The following IFT88 variants were observed in gnomAD, a reference collection of about 807,000 sequenced individuals.
IFT88 encodes the protein intraflagellar transport protein 88 homolog.
A neutral mutation model predicts 119.5 loss-of-function variants in IFT88; 74 were observed. The ratio of observed to expected loss-of-function variants is 0.62; its 90% CI spans 0.51 to 0.75. The LOEUF (loss-of-function observed/expected upper bound fraction) is 0.75, where lower values mean the gene tolerates loss of function less well. Among genes scored for constraint, IFT88 ranks in the 30% least tolerant of loss-of-function variants. The pLI, the probability that IFT88 is intolerant of heterozygous loss-of-function variation, is 0.00. For missense variants in IFT88, 961 were observed against 977.7 expected (o/e 0.98, Z 0.23); for synonymous variants, 279 against 316.7 (o/e 0.88, Z 1.26).
At chr13:20,591,382 A>G (rs2040643560) in intron 5 of IFT88, among the ~76,000 whole-genome samples, 1 of 152,224 alleles carries the variant, frequency 6.6e-6, no homozygotes. Flanking sequence ...GTAGCTGGCT[A>G]ATAAGCTGAT....
chr13:20,627,155 G>A (rs748274207), intron 15 of IFT88, among the ~76,000 whole-genome samples: 1 of 152,170 alleles, frequency 6.6e-6, no homozygotes, highest in Non-Finnish European at 1.5e-5. Flanking sequence ...AATTTTTTGA[G>A]CATTTACAAA....
intron 22 of IFT88, among the ~76,000 whole-genome samples, chr13:20,657,458 G>T (rs543047354): frequency 6.6e-6 from 1 of 152,318 alleles, no homozygotes; most frequent in Non-Finnish European, 1.5e-5. Context: ...ACTGTTTTAT[G>T]TGGAAATATA....
chr13:20,654,768 G>GACTA (rs1485060660), intron 21 of IFT88, among the ~76,000 whole-genome samples: 1 of 152,130 alleles, frequency 6.6e-6, no homozygotes, highest in Non-Finnish European at 1.5e-5. Flanking sequence ...TGTACAACAT[G>GACTA]ACTATACTAT....
chr13:20,635,077 G>A (rs1239306395), intron 16 of IFT88, among the ~76,000 whole-genome samples: 1 of 151,126 alleles, frequency 6.6e-6, no homozygotes, highest in Non-Finnish European at 1.5e-5. Context: ...GCAATAGTTT[G>A]CTGAGAATGA....
chr13:20,662,252 G>A (rs1462267148), intron 22 of IFT88, among the ~76,000 whole-genome samples: 1 of 150,798 alleles, frequency 6.6e-6, no homozygotes, highest in East Asian at 1.9e-4. Context: ...TTAGAAGGAA[G>A]ACTAAAAAAC....
At position 20,690,780 on chromosome 13, in the gene IFT88, A is replaced by G. The variant is rs1246663885; in HGVS notation, c.2318A>G (p.Asn773Ser). The change falls in exon 25 of 26, where the codon AAT becomes AGT. Residue 773 changes from asparagine to serine, a missense_variant. Physicochemically the swap from Asn to Ser is conservative, Grantham distance 46. Transcript: ENST00000351808. ...AGACTCAGAGCTTTACCTGGGACAA[A>G]TGAACCTTATGAAAGTAGCAGTAAC... is the stretch of plus-strand genomic sequence containing the variant. Reference protein sequence around the residue: ...SARLRALPGTNEPYESSSNKE... With the variant: ...SARLRALPGTSEPYESSSNKE... 2 of 1,613,564 alleles carry G rather than the reference A, an allele frequency of 1.2e-6. No individual in the cohort carries two copies. Among genetic ancestry groups the G allele is most frequent in the African/African-American group, 1.3e-5 (1 of 74,928 alleles).
Position 20,679,849 on chromosome 13 carries a change from T to C in IFT88, c.2242+8810T>C, listed in dbSNP as rs540932519. ...TTACATCAGGTCATATCATTTGGGG[T>C]TGAGGTACCACTATACCACCATATG... On this transcript the variant is annotated intron_variant, in intron 24 of 25. Transcript: ENST00000351808. Among the ~76,000 whole-genome samples, 14 of 152,328 alleles carry C rather than the reference T, an allele frequency of 9.2e-5. No individual in the cohort carries two copies. The South Asian group carries it at 2.9e-3, about 32-fold the overall frequency.
At chr13:20,588,279 A>G (rs1464959929) in intron 3 of IFT88, among the ~76,000 whole-genome samples, 1 of 151,814 alleles carries the variant, frequency 6.6e-6, no homozygotes, top group Non-Finnish European at 1.5e-5. Flanking sequence ...CCTTTTTTAT[A>G]GTTTTTAGTT....
At chr13:20,680,665 T>A (rs1003922663) in intron 24 of IFT88, among the ~76,000 whole-genome samples, 1 of 152,186 alleles carries the variant, frequency 6.6e-6, no homozygotes, top group African/African-American at 2.4e-5. Flanking sequence ...CCAGCACTTG[T>A]GTCTTCCTTA....
chr13:20,604,690 T>C (rs1358714109), intron 12 of IFT88, among the ~76,000 whole-genome samples: 17 of 152,218 alleles, frequency 1.1e-4, no homozygotes, highest in Non-Finnish European at 1.0e-4. Flanking sequence ...CATGATGGCT[T>C]ATGCCTATAG....
chr13:20,666,670 T>C (rs1216734508), intron 23 of IFT88, among the ~76,000 whole-genome samples: 1 of 152,240 alleles, frequency 6.6e-6, no homozygotes, highest in African/African-American at 2.4e-5. Context: ...GTGCCTTCTC[T>C]CATTTTTTTT....
At chr13:20,576,321 G>A (rs2037378392) in intron 2 of IFT88, among the ~76,000 whole-genome samples, 1 of 152,140 alleles carries the variant, frequency 6.6e-6, no homozygotes, top group Non-Finnish European at 1.5e-5. Flanking sequence ...TCTGTGGGTT[G>A]TCTCTTCACT....
chr13:20,686,502 G>A (rs964782312), intron 24 of IFT88, among the ~76,000 whole-genome samples: 1 of 152,126 alleles, frequency 6.6e-6, no homozygotes, highest in African/African-American at 2.4e-5. Flanking sequence ...TACTGAGCAG[G>A]AGCACAGTTA....
chr13:20,585,677 A>G (rs1316723654), intron 3 of IFT88, among the ~76,000 whole-genome samples: 5 of 152,230 alleles, frequency 3.3e-5, no homozygotes, highest in Admixed American at 2.6e-4. Context: ...GGCCAAAGCC[A>G]GGGCAAACAA....
chr13:20,684,299 A>C (rs901243419), intron 24 of IFT88, among the ~76,000 whole-genome samples: 1 of 152,174 alleles, frequency 6.6e-6, no homozygotes, highest in African/African-American at 2.4e-5. Context: ...TCCTCTGGAA[A>C]AGAGAGATTT....
intron 2 of IFT88, among the ~76,000 whole-genome samples, chr13:20,581,852 C>CAA (rs10555158): frequency 6.6e-5 from 8 of 121,270 alleles, no homozygotes; most frequent in African/African-American, 1.9e-4. Flanking sequence ...AACCCTGTCT[C>CAA]AAAAAAAAAA....
At chr13:20,634,682 C>T (rs542814529) in intron 16 of IFT88, among the ~76,000 whole-genome samples, 87 of 151,030 alleles carry the variant, frequency 5.8e-4, no homozygotes, top group South Asian at 4.0e-3. Flanking sequence ...GAGCCAAGAT[C>T]GTGCCACTGC....
intron 13 of IFT88, chr13:20,607,870 G>T: frequency 1.4e-6 from 1 of 714,944 alleles, no homozygotes; most frequent in Admixed American, 1.8e-5. Context: ...GCCCAACCCA[G>T]TCACCAGCAC....
chr13:20,686,774 A>G (rs188870051), intron 24 of IFT88, among the ~76,000 whole-genome samples: 102 of 152,302 alleles, frequency 6.7e-4, no homozygotes, highest in South Asian at 1.9e-3. Context: ...GCTCATAACC[A>G]TATTCTTTCT....
Sources: allele counts gnomAD v4.1 joint callset (sites outside exome capture counted in the v4.1 genomes callset), GRCh38; gene constraint gnomAD v4.1.1; transcripts MANE v1.5; gene names NCBI Gene and HGNC (gene_info 2026-07-23, HGNC 2026-07-21).